Variants in SPOCK3 observed in about 807,000 individuals in gnomAD.
The protein encoded by SPOCK3 is testican-3.
Under a neutral mutation model 56.6 loss-of-function variants are expected in SPOCK3, and 30 were observed. The ratio of observed to expected loss-of-function variants is 0.53; its 90% CI spans 0.40 to 0.72. SPOCK3 has a LOEUF of 0.72. Among genes scored for constraint, SPOCK3 ranks in the 30% least tolerant of loss-of-function variants. SPOCK3 has a pLI of 0.00. For missense variants in SPOCK3, 527 were observed against 530.0 expected, an observed-to-expected ratio of 0.99 and a Z score of 0.06; for synonymous variants, 196 against 183.3, an observed-to-expected ratio of 1.07 and a Z score of -0.56.
At chr4:167,114,921 GA>G (rs150529121) in intron 2 of SPOCK3, among the ~76,000 whole-genome samples, 5 of 148,134 alleles carry the variant, frequency 3.4e-5, no homozygotes, top group South Asian at 4.3e-4. Flanking sequence ...AGGACTAAGA[GA>G]AAAAAAAACA....
chr4:167,008,840 G>A (rs894060418), intron 3 of SPOCK3, among the ~76,000 whole-genome samples: 2 of 152,028 alleles, frequency 1.3e-5, no homozygotes, highest in Non-Finnish European at 2.9e-5. Context: ...GACTCCAACA[G>A]CAAGAAGGGA....
intron 2 of SPOCK3, among the ~76,000 whole-genome samples, chr4:167,124,609 C>G (rs1241712664): frequency 6.6e-6 from 1 of 152,170 alleles, no homozygotes; most frequent in African/African-American, 2.4e-5. Flanking sequence ...CGTCTCTCAT[C>G]TAAATGATGC....
intron 2 of SPOCK3, among the ~76,000 whole-genome samples, chr4:167,231,393 A>G (rs995169805): frequency 2.0e-5 from 3 of 152,078 alleles, no homozygotes; most frequent in African/African-American, 7.2e-5. Flanking sequence ...AATAAAATTA[A>G]TTATATTTTA....
intron 6 of SPOCK3, among the ~76,000 whole-genome samples, chr4:166,882,420 A>T (rs570704851): frequency 6.6e-6 from 1 of 152,144 alleles, no homozygotes; most frequent in East Asian, 1.9e-4. Context: ...GCTTGCATCA[A>T]TTGTGATTTG....
At chr4:167,233,011 T>C (rs1237185563) in intron 2 of SPOCK3, among the ~76,000 whole-genome samples, 1 of 152,116 alleles carries the variant, frequency 6.6e-6, no homozygotes, top group African/African-American at 2.4e-5. Flanking sequence ...ACGGTAAGGA[T>C]TGGCAATGTG....
chr4:167,011,794 T>G (rs1750100111), intron 3 of SPOCK3, among the ~76,000 whole-genome samples: 1 of 152,104 alleles, frequency 6.6e-6, no homozygotes, highest in South Asian at 2.1e-4. Context: ...CCATTAACCT[T>G]GTAAATATTA....
At chr4:166,874,132 T>C (rs1434425392) in intron 6 of SPOCK3, among the ~76,000 whole-genome samples, 1 of 152,042 alleles carries the variant, frequency 6.6e-6, no homozygotes, top group Non-Finnish European at 1.5e-5. Context: ...TTCTCTGGGG[T>C]AGAGGTTGTA....
chr4:167,175,467 T>G (rs1333164763), intron 2 of SPOCK3, among the ~76,000 whole-genome samples: 1 of 152,168 alleles, frequency 6.6e-6, no homozygotes, highest in Non-Finnish European at 1.5e-5. Context: ...TTTGTTTCCT[T>G]CAAAATTTAA....
At chr4:166,871,238 T>C (rs1423992095) in intron 6 of SPOCK3, among the ~76,000 whole-genome samples, 2 of 151,758 alleles carry the variant, frequency 1.3e-5, no homozygotes, top group Admixed American at 6.6e-5. Context: ...ACTAAAACAA[T>C]AAATCAATAA....
At chr4:167,046,030 C>T (rs1753677889) in intron 3 of SPOCK3, among the ~76,000 whole-genome samples, 1 of 152,128 alleles carries the variant, frequency 6.6e-6, no homozygotes, top group Non-Finnish European at 1.5e-5. Flanking sequence ...CTTGTCTGGA[C>T]AACTCTTTAT....
chr4:166,949,334 T>G (rs1012074700), intron 4 of SPOCK3, among the ~76,000 whole-genome samples: 7 of 152,230 alleles, frequency 4.6e-5, no homozygotes, highest in Admixed American at 1.3e-4. Context: ...CCTTCTTCTC[T>G]CAACTCGTCA....
rs1377940013 is a variant in SPOCK3 at position 166,734,894 on chromosome 4, G to T, written c.*27C>A. 2 of 1,462,858 alleles carry T rather than the reference G, an allele frequency of 1.4e-6. No individual in the cohort carries two copies. The highest frequency in any genetic ancestry group is 1.4e-5 in the African/African-American group (1 of 70,240). The allele number at this position is 1,462,858 out of a possible 1,614,324, so 90.6% of individuals were successfully genotyped here. The stretch of plus-strand genomic sequence containing the variant: ...CATTTTTGTAAATATTAGAAATGTA[G>T]AATTTATTGATTTCAACTGTCATCA... On this transcript the variant is annotated 3_prime_UTR_variant, in exon 11 of 11. Coordinates refer to ENST00000357545, the MANE Select transcript of SPOCK3 (RefSeq NM_001040159.2).
At chr4:167,055,009 T>A (rs1233845010) in intron 3 of SPOCK3, among the ~76,000 whole-genome samples, 1 of 152,190 alleles carries the variant, frequency 6.6e-6, no homozygotes, top group Non-Finnish European at 1.5e-5. Context: ...AATTTCTGCA[T>A]GCTTTATGGT....
chr4:167,224,544 C>A (rs1056246001), intron 2 of SPOCK3, among the ~76,000 whole-genome samples: 1 of 152,068 alleles, frequency 6.6e-6, no homozygotes, highest in Non-Finnish European at 1.5e-5. Context: ...GCCATGTATA[C>A]CAAATGTAAG....
intron 5 of SPOCK3, among the ~76,000 whole-genome samples, chr4:166,899,228 T>C (rs1452222441): frequency 6.7e-6 from 1 of 148,754 alleles, no homozygotes; most frequent in Non-Finnish European, 1.5e-5. Flanking sequence ...TCAATTCCTA[T>C]AATAAATCTC....
At chr4:166,751,160 A>G (rs1560819293) in intron 8 of SPOCK3, among the ~76,000 whole-genome samples, 1 of 152,214 alleles carries the variant, frequency 6.6e-6, no homozygotes, top group Non-Finnish European at 1.5e-5. Context: ...GATTCATTTC[A>G]TTCATAGAAA....
intron 7 of SPOCK3, among the ~76,000 whole-genome samples, chr4:166,767,029 G>T (rs1489311718): frequency 6.6e-6 from 1 of 152,074 alleles, no homozygotes; most frequent in African/African-American, 2.4e-5. Context: ...GGGATCGGTG[G>T]TGATATCCCC....
chr4:167,164,950 T>C (rs1035091344), intron 2 of SPOCK3, among the ~76,000 whole-genome samples: 5 of 152,148 alleles, frequency 3.3e-5, no homozygotes, highest in Admixed American at 6.6e-5. Flanking sequence ...TTTGGGTATA[T>C]ATCCAGTAAT....
intron 2 of SPOCK3, among the ~76,000 whole-genome samples, chr4:167,182,891 C>G (rs186037765): frequency 1.4e-3 from 211 of 152,232 alleles, no homozygotes; most frequent in African/African-American, 4.8e-3. Context: ...CAATCTTTTA[C>G]ATGTCTTTGT....
Sources: gnomAD v4.1 joint callset for allele counts (sites outside exome capture counted in the v4.1 genomes callset) on GRCh38, gnomAD v4.1.1 for gene constraint, MANE v1.5 for transcripts, NCBI Gene and HGNC (gene_info 2026-07-23, HGNC 2026-07-21) for gene names.